Variants in CDH13 observed in about 807,000 individuals in gnomAD.
CDH13 encodes cadherin-13.
A neutral mutation model predicts 63.8 loss-of-function variants in CDH13; 24 were observed. The ratio of observed to expected loss-of-function variants is 0.38; its 90% CI spans 0.27 to 0.53. The LOEUF is 0.53. Among genes scored for constraint, CDH13 ranks in the 20% least tolerant of loss-of-function variants. CDH13 has a pLI of 0.85. For synonymous variants in CDH13, 503 were observed against 355.3 expected (o/e 1.42, Z -4.67); for missense variants, 1,049 against 903.1 (o/e 1.16, Z -2.07).
intron 1 of CDH13, among the ~76,000 whole-genome samples, chr16:82,746,549 G>A (rs1429162084): frequency 6.6e-6 from 1 of 151,808 alleles, no homozygotes; most frequent in African/African-American, 2.4e-5. Context: ...GCAGAAATAT[G>A]ACTTTATGCC....
At chr16:83,205,478 A>T (rs1256950005) in intron 4 of CDH13, among the ~76,000 whole-genome samples, 1 of 152,152 alleles carries the variant, frequency 6.6e-6, no homozygotes, top group African/African-American at 2.4e-5. Flanking sequence ...GAGTTTATTG[A>T]GCAGTGGTCC....
chr16:83,309,897 C>A (rs1039948942), intron 5 of CDH13, among the ~76,000 whole-genome samples: 9 of 151,822 alleles, frequency 5.9e-5, no homozygotes, highest in Non-Finnish European at 1.2e-4. Context: ...TGATTTATAT[C>A]CCTGGCAGAA....
At chr16:83,154,893 C>T (rs2037142560) in intron 4 of CDH13, among the ~76,000 whole-genome samples, 1 of 152,176 alleles carries the variant, frequency 6.6e-6, no homozygotes, top group South Asian at 2.1e-4. Flanking sequence ...CTCTCATATT[C>T]AAAGTGGTTC....
At chr16:83,024,309 A>G (rs1363335229) in intron 2 of CDH13, among the ~76,000 whole-genome samples, 6 of 152,228 alleles carry the variant, frequency 3.9e-5, no homozygotes, top group African/African-American at 1.4e-4. Context: ...TACCTGGCAT[A>G]TTCAACAGGT....
chr16:82,977,575 C>T (rs1180109447), intron 2 of CDH13, among the ~76,000 whole-genome samples: 1 of 152,172 alleles, frequency 6.6e-6, no homozygotes, highest in East Asian at 1.9e-4. Context: ...TTTGTTTCCC[C>T]ATCCACCATG....
chr16:82,846,683 A>G (rs561092271), intron 1 of CDH13, among the ~76,000 whole-genome samples: 3 of 152,182 alleles, frequency 2.0e-5, no homozygotes, highest in Non-Finnish European at 2.9e-5. Context: ...TTATATGTCC[A>G]TGTGTCTGTC....
chr16:82,879,104 C>G (rs1168826664), intron 2 of CDH13, among the ~76,000 whole-genome samples: 3 of 152,102 alleles, frequency 2.0e-5, no homozygotes, highest in African/African-American at 7.2e-5. Context: ...CAAGCCTTGC[C>G]TTGAGCTTTG....
intron 7 of CDH13, among the ~76,000 whole-genome samples, chr16:83,505,768 C>G (rs1374264401): frequency 6.6e-6 from 1 of 152,040 alleles, no homozygotes; most frequent in African/African-American, 2.4e-5. Flanking sequence ...GTCTTGAACT[C>G]CTGACCTCAG....
At chr16:83,412,702 T>C (rs1176478461) in intron 6 of CDH13, among the ~76,000 whole-genome samples, 1 of 152,178 alleles carries the variant, frequency 6.6e-6, no homozygotes, top group Admixed American at 6.5e-5. Context: ...CTACTCAAAA[T>C]GTTTCTTACC....
At chr16:83,540,758 C>T (rs888683407) in intron 7 of CDH13, among the ~76,000 whole-genome samples, 7 of 152,264 alleles carry the variant, frequency 4.6e-5, no homozygotes, top group African/African-American at 1.7e-4. Flanking sequence ...CAGTCAGCCA[C>T]AGCTGGAATT....
chr16:82,766,526 G>A (rs1597508159), intron 1 of CDH13, among the ~76,000 whole-genome samples: 1 of 152,144 alleles, frequency 6.6e-6, no homozygotes, highest in East Asian at 1.9e-4. Flanking sequence ...TGGTTAGCTT[G>A]GAACAAAGCA....
chr16:83,364,149 G>A (rs888106539), intron 6 of CDH13, among the ~76,000 whole-genome samples: 1 of 152,094 alleles, frequency 6.6e-6, no homozygotes, highest in South Asian at 2.1e-4. Context: ...CTTCTCATGG[G>A]GACCAAGCAT....
intron 12 of CDH13, among the ~76,000 whole-genome samples, chr16:83,781,394 G>T (rs557911912): frequency 9.9e-5 from 15 of 152,270 alleles, no homozygotes; most frequent in Middle Eastern, 3.4e-3. Flanking sequence ...ACCCCGTCAG[G>T]GTTCCCACTT....
intron 6 of CDH13, among the ~76,000 whole-genome samples, chr16:83,348,532 T>TG (rs1186069133): frequency 6.6e-6 from 1 of 152,180 alleles, no homozygotes; most frequent in Non-Finnish European, 1.5e-5. Flanking sequence ...CAGAAGGGCC[T>TG]GGGGCTTGGT....
intron 10 of CDH13, among the ~76,000 whole-genome samples, chr16:83,706,731 A>G (rs1488077630): frequency 6.6e-6 from 1 of 152,216 alleles, no homozygotes; most frequent in Non-Finnish European, 1.5e-5. Context: ...GAAGCAAAGA[A>G]AAATAGGATG....
intron 10 of CDH13, among the ~76,000 whole-genome samples, chr16:83,716,031 T>G (rs1423544315): frequency 6.6e-6 from 1 of 152,222 alleles, no homozygotes; most frequent in Non-Finnish European, 1.5e-5. Context: ...TGGTACAGTC[T>G]TCCATTTTGC....
intron 5 of CDH13, among the ~76,000 whole-genome samples, chr16:83,220,280 A>C (rs940246866): frequency 3.3e-5 from 5 of 152,192 alleles, no homozygotes; most frequent in African/African-American, 1.2e-4. Context: ...TTTTTAGATG[A>C]TGAGAACTGG....
intron 5 of CDH13, among the ~76,000 whole-genome samples, chr16:83,233,381 T>C (rs1362670036): frequency 6.6e-6 from 1 of 152,242 alleles, no homozygotes; most frequent in African/African-American, 2.4e-5. Context: ...TCACCAGTCC[T>C]TGTGCTGACT....
intron 2 of CDH13, among the ~76,000 whole-genome samples, chr16:82,957,079 C>T (rs907919929): frequency 6.6e-6 from 1 of 152,050 alleles, no homozygotes; most frequent in Non-Finnish European, 1.5e-5. Context: ...TATCCTGTGT[C>T]CTCATGGCCC....
Sources: allele counts gnomAD v4.1 joint callset (sites outside exome capture counted in the v4.1 genomes callset), GRCh38; gene constraint gnomAD v4.1.1; transcripts MANE v1.5; gene names NCBI Gene and HGNC (gene_info 2026-07-23, HGNC 2026-07-21).